PDE4D: variants seen among roughly 807,000 people sequenced by gnomAD.
PDE4D encodes the protein 3',5'-cyclic-AMP phosphodiesterase 4D.
Under a neutral mutation model 87.4 loss-of-function variants are expected in PDE4D, and 24 were observed. That is an observed-to-expected ratio of 0.27 (90% confidence interval 0.20 to 0.39). The LOEUF (loss-of-function observed/expected upper bound fraction) is 0.39, where lower values mean the gene tolerates loss of function less well. PDE4D is among the 10% of genes least tolerant of loss of function. The pLI, the probability that PDE4D is intolerant of heterozygous loss-of-function variation, is 1.00. For synonymous variants in PDE4D, 384 were observed against 383.2 expected (o/e 1.00, Z -0.02); for missense variants, 714 against 1,041.0 (o/e 0.69, Z 4.32).
chr5:60,338,923 C>G (rs1349337436), intron 1 of PDE4D, among the ~76,000 whole-genome samples: 1 of 152,076 alleles, frequency 6.6e-6, no homozygotes, highest in Non-Finnish European at 1.5e-5. Context: ...TTCCAGGACC[C>G]CCAGTGTAGG....
intron 1 of PDE4D, among the ~76,000 whole-genome samples, chr5:59,841,119 A>G (rs1377594111): frequency 6.6e-6 from 1 of 152,090 alleles, no homozygotes; most frequent in Admixed American, 6.6e-5. Flanking sequence ...TGGGGTGGCC[A>G]CTGAGATAAT....
At chr5:59,211,143 T>G (rs908218274) in intron 2 of PDE4D, among the ~76,000 whole-genome samples, 1 of 152,178 alleles carries the variant, frequency 6.6e-6, no homozygotes, top group Non-Finnish European at 1.5e-5. Context: ...TATAAAAAAT[T>G]TTTACTATTA....
chr5:59,652,801 CATG>C (rs1743722067), intron 1 of PDE4D, among the ~76,000 whole-genome samples: 2 of 151,720 alleles, frequency 1.3e-5, no homozygotes. Flanking sequence ...GATCTTATTG[CATG>C]TTTTTTTTTT....
At chr5:59,375,643 A>G (rs1784586826) in intron 1 of PDE4D, among the ~76,000 whole-genome samples, 1 of 152,220 alleles carries the variant, frequency 6.6e-6, no homozygotes, top group Non-Finnish European at 1.5e-5. Context: ...TGCTGAAACT[A>G]TTCCCCAAAA....
rs1743801252 is a variant in PDE4D at position 58,976,340 on chromosome 5, A to G, written c.1830+10T>C. On this transcript the variant is annotated intron_variant, in intron 13 of 14. Coordinates refer to ENST00000340635, the MANE Select transcript of PDE4D (RefSeq NM_001104631.2). ...ACACACACACAGAGCAAACTCAAAC[A>G]AGGCTTTACCTGAATCCTATCGGAA... 6.2e-7 allele frequency: 1 copy of G among 1,611,586 alleles called. No homozygotes were observed. The highest frequency in any genetic ancestry group is 1.7e-5 in the Admixed American group (1 of 59,742).
intron 2 of PDE4D, among the ~76,000 whole-genome samples, chr5:60,095,699 C>A (rs1775608146): frequency 6.6e-6 from 1 of 152,128 alleles, no homozygotes; most frequent in African/African-American, 2.4e-5. Context: ...CTGATTTACA[C>A]TCCCACCAAC....
intron 1 of PDE4D, among the ~76,000 whole-genome samples, chr5:59,596,079 G>T (rs1826639690): frequency 6.6e-6 from 1 of 151,448 alleles, no homozygotes; most frequent in African/African-American, 2.4e-5. Flanking sequence ...CTGCATCAGA[G>T]GCTGCAGGTA....
chr5:60,067,821 T>C (rs1402909849), intron 2 of PDE4D, among the ~76,000 whole-genome samples: 4 of 152,154 alleles, frequency 2.6e-5, no homozygotes, highest in Non-Finnish European at 2.9e-5. Context: ...TCATGCAATA[T>C]GTGTCTTTCT....
chr5:59,632,821 C>T (rs1831743021), intron 1 of PDE4D, among the ~76,000 whole-genome samples: 1 of 152,124 alleles, frequency 6.6e-6, no homozygotes, highest in Non-Finnish European at 1.5e-5. Flanking sequence ...AACAGAATGC[C>T]TCTTCTTCTC....
chr5:60,018,314 G>A (rs2152850487), intron 2 of PDE4D, among the ~76,000 whole-genome samples: 1 of 152,188 alleles, frequency 6.6e-6, no homozygotes, highest in East Asian at 1.9e-4. Flanking sequence ...GTCACCACCA[G>A]GCCTGCCTTG....
intron 1 of PDE4D, among the ~76,000 whole-genome samples, chr5:59,783,346 T>C (rs1040019110): frequency 6.6e-6 from 1 of 152,178 alleles, no homozygotes; most frequent in African/African-American, 2.4e-5. Flanking sequence ...GTAGTCAAGA[T>C]TTGGAGCCAT....
intron 5 of PDE4D, among the ~76,000 whole-genome samples, chr5:59,059,416 A>G (rs1022460130): frequency 6.6e-6 from 1 of 152,192 alleles, no homozygotes; most frequent in African/African-American, 2.4e-5. Context: ...CTGCTGGAAC[A>G]CAGTCTTGTT....
chr5:60,009,082 G>C (rs1430530694), intron 2 of PDE4D, among the ~76,000 whole-genome samples: 1 of 151,922 alleles, frequency 6.6e-6, no homozygotes, highest in Admixed American at 6.6e-5. Context: ...TCTAAACATT[G>C]ATTCATGAAT....
intron 3 of PDE4D, among the ~76,000 whole-genome samples, chr5:59,969,673 A>G (rs1760479060): frequency 1.3e-5 from 2 of 152,144 alleles, no homozygotes; most frequent in Non-Finnish European, 2.9e-5. Flanking sequence ...CCATGGGGAC[A>G]GTTACCTCCA....
At chr5:59,000,684 A>G (rs1255475136) in intron 6 of PDE4D, among the ~76,000 whole-genome samples, 2 of 152,048 alleles carry the variant, frequency 1.3e-5, no homozygotes, top group Non-Finnish European at 2.9e-5. Flanking sequence ...TTTGATCAGA[A>G]GAGAATATTT....
chr5:59,526,162 C>A (rs185144921), intron 1 of PDE4D, among the ~76,000 whole-genome samples: 3 of 152,232 alleles, frequency 2.0e-5, no homozygotes, highest in East Asian at 3.9e-4. Context: ...CAGTACAGGG[C>A]AAGCAGTCCT....
intron 1 of PDE4D, among the ~76,000 whole-genome samples, chr5:60,203,813 T>A (rs1241200812): frequency 2.0e-5 from 3 of 152,174 alleles, no homozygotes; most frequent in Non-Finnish European, 4.4e-5. Flanking sequence ...CTAGCCACCA[T>A]CCTATGCAAG....
chr5:59,323,669 A>G (rs1379952299), intron 1 of PDE4D, among the ~76,000 whole-genome samples: 1 of 152,008 alleles, frequency 6.6e-6, no homozygotes, highest in Non-Finnish European at 1.5e-5. Flanking sequence ...CCCCACTGAC[A>G]TTATCTTAAA....
chr5:59,301,989 G>A (rs760863160), intron 1 of PDE4D, among the ~76,000 whole-genome samples: 12 of 152,104 alleles, frequency 7.9e-5, no homozygotes, highest in Middle Eastern at 3.2e-3. Flanking sequence ...GCAAAATGGC[G>A]GAGTTTGGCC....
Sources: allele counts gnomAD v4.1 joint callset (sites outside exome capture counted in the v4.1 genomes callset), GRCh38; gene constraint gnomAD v4.1.1; transcripts MANE v1.5; gene names NCBI Gene and HGNC (gene_info 2026-07-23, HGNC 2026-07-21).